CNTNAP5: variants seen among roughly 807,000 people sequenced by gnomAD.
CNTNAP5 encodes contactin-associated protein-like 5.
Under a neutral mutation model 150.2 loss-of-function variants are expected in CNTNAP5, and 72 were observed. That is an observed-to-expected ratio of 0.48 (90% CI 0.40 to 0.58). The LOEUF is 0.58. Among genes scored for constraint, CNTNAP5 ranks in the 20% least tolerant of loss-of-function variants. CNTNAP5 has a pLI of 0.00. For missense variants in CNTNAP5, 1,636 were observed against 1,626.2 expected, an observed-to-expected ratio of 1.01 and a Z score of -0.10; for synonymous variants, 672 against 619.8, an observed-to-expected ratio of 1.08 and a Z score of -1.25.
chr2:124,538,011 G>A (rs531529228), intron 10 of CNTNAP5, among the ~76,000 whole-genome samples: 72 of 152,128 alleles, frequency 4.7e-4, no homozygotes, highest in African/African-American at 1.5e-3. Context: ...TGCTGAAAAC[G>A]AAGCCAGAAC....
chr2:124,435,522 A>G (rs72843144), intron 5 of CNTNAP5, among the ~76,000 whole-genome samples: 232 of 152,364 alleles, frequency 1.5e-3, no homozygotes, highest in Non-Finnish European at 2.6e-3. Context: ...GCTGAAAAAA[A>G]AAGTAAATGG....
At chr2:124,602,126 C>T (rs974902673) in intron 11 of CNTNAP5, among the ~76,000 whole-genome samples, 2 of 152,078 alleles carry the variant, frequency 1.3e-5, no homozygotes, top group Non-Finnish European at 2.9e-5. Context: ...GGGTGGATCA[C>T]GACGTCAGGA....
intron 1 of CNTNAP5, among the ~76,000 whole-genome samples, chr2:124,166,959 C>G (rs1573805478): frequency 6.6e-6 from 1 of 152,136 alleles, no homozygotes; most frequent in South Asian, 2.1e-4. Context: ...GCCAATGCAC[C>G]CCTTCCCTTT....
intron 7 of CNTNAP5, among the ~76,000 whole-genome samples, chr2:124,485,276 C>G (rs776797496): frequency 6.6e-6 from 1 of 152,128 alleles, no homozygotes; most frequent in Non-Finnish European, 1.5e-5. Context: ...TAGAAATGTT[C>G]TCTCTGCCCA....
intron 1 of CNTNAP5, among the ~76,000 whole-genome samples, chr2:124,153,931 T>C (rs1217851030): frequency 1.3e-5 from 2 of 152,164 alleles, no homozygotes; most frequent in Non-Finnish European, 2.9e-5. Flanking sequence ...TTTTTTCTTT[T>C]TTTTAATAGG....
At chr2:124,649,860 C>T (rs994201425) in intron 13 of CNTNAP5, among the ~76,000 whole-genome samples, 7 of 152,128 alleles carry the variant, frequency 4.6e-5, no homozygotes, top group African/African-American at 1.7e-4. Flanking sequence ...TGTCCTTATT[C>T]GTAGCTTCCA....
chr2:124,348,057 C>G (rs1017658512), intron 3 of CNTNAP5, among the ~76,000 whole-genome samples: 1 of 152,022 alleles, frequency 6.6e-6, no homozygotes. Flanking sequence ...GTCTCGATCT[C>G]CTGACCTAGT....
chr2:124,305,834 T>A (rs1351445248), intron 3 of CNTNAP5, among the ~76,000 whole-genome samples: 1 of 152,210 alleles, frequency 6.6e-6, no homozygotes, highest in African/African-American at 2.4e-5. Flanking sequence ...AAATTTCTTT[T>A]AAAAAATAAA....
intron 3 of CNTNAP5, among the ~76,000 whole-genome samples, chr2:124,265,714 T>TG (rs1261954349): frequency 3.3e-5 from 5 of 152,040 alleles, no homozygotes; most frequent in African/African-American, 7.2e-5. Flanking sequence ...GTGCACACTC[T>TG]GGCTTATCTA....
intron 4 of CNTNAP5, among the ~76,000 whole-genome samples, chr2:124,419,153 A>AAAACAAAAC (rs1553466546): frequency 2.6e-5 from 2 of 76,420 alleles, no homozygotes; most frequent in South Asian, 4.5e-4. Context: ...AAAAAAAAAA[A>AAAACAAAAC]AAAAAAAAAA....
intron 7 of CNTNAP5, among the ~76,000 whole-genome samples, chr2:124,478,369 A>G (rs2104837215): frequency 6.6e-6 from 1 of 152,212 alleles, no homozygotes; most frequent in South Asian, 2.1e-4. Flanking sequence ...ACGTATTTGG[A>G]AAAAAATCCC....
At chr2:124,187,696 A>T (rs1278898062) in intron 1 of CNTNAP5, among the ~76,000 whole-genome samples, 1 of 152,230 alleles carries the variant, frequency 6.6e-6, no homozygotes, top group Non-Finnish European at 1.5e-5. Flanking sequence ...CACAGCTTTT[A>T]GCAGGATGTT....
intron 3 of CNTNAP5, among the ~76,000 whole-genome samples, chr2:124,271,031 G>A (rs940500470): frequency 1.3e-5 from 2 of 152,008 alleles, no homozygotes; most frequent in African/African-American, 4.8e-5. Context: ...GGAGCTGCTG[G>A]TCTGGGCCCG....
At chr2:124,510,931 AT>A (rs1198696178) in intron 8 of CNTNAP5, among the ~76,000 whole-genome samples, 1 of 152,148 alleles carries the variant, frequency 6.6e-6, no homozygotes, top group East Asian at 1.9e-4. Context: ...TAATTTATAT[AT>A]TTTAAGCTCC....
intron 6 of CNTNAP5, among the ~76,000 whole-genome samples, chr2:124,447,558 G>C (rs938139081): frequency 4.6e-5 from 7 of 152,198 alleles, no homozygotes; most frequent in African/African-American, 1.4e-4. Context: ...TGTACACCAG[G>C]CTCTGCTGGG....
chr2:124,671,301 A>C (rs1257909165), intron 13 of CNTNAP5, among the ~76,000 whole-genome samples: 1 of 152,198 alleles, frequency 6.6e-6, no homozygotes, highest in African/African-American at 2.4e-5. Context: ...TAGAGAATGT[A>C]ATCTAATTTT....
At chr2:124,091,833 G>T (rs1253194676) in intron 1 of CNTNAP5, among the ~76,000 whole-genome samples, 13 of 152,118 alleles carry the variant, frequency 8.5e-5, no homozygotes, top group Admixed American at 5.9e-4. Flanking sequence ...AGGAGCTGTC[G>T]GTGCCTGTGA....
intron 1 of CNTNAP5, among the ~76,000 whole-genome samples, chr2:124,176,189 TG>T (rs1685059536): frequency 1.3e-5 from 2 of 152,242 alleles, no homozygotes; most frequent in South Asian, 4.1e-4. Context: ...ATGCTGTGCG[TG>T]CTCCCTAGAC....
chr2:124,630,218 A>G (rs566958952), intron 12 of CNTNAP5, among the ~76,000 whole-genome samples: 1 of 152,314 alleles, frequency 6.6e-6, no homozygotes, highest in Admixed American at 6.5e-5. Context: ...TCCCTAACTC[A>G]TTTTATGACA....
Sources: allele counts gnomAD v4.1 joint callset (sites outside exome capture counted in the v4.1 genomes callset), GRCh38; gene constraint gnomAD v4.1.1; transcripts MANE v1.5; gene names NCBI Gene and HGNC (gene_info 2026-07-23, HGNC 2026-07-21).